The following MGAT5 variants were observed in gnomAD, a reference collection of about 807,000 sequenced individuals.
MGAT5 encodes the protein alpha-1,6-mannosylglycoprotein 6-beta-N-acetylglucosaminyltransferase A.
In MGAT5, 30 loss-of-function variants were observed where a neutral mutation model predicts 94.3. The ratio of observed to expected loss-of-function variants is 0.32; its 90% confidence interval spans 0.24 to 0.43. MGAT5 has a LOEUF of 0.43. Among genes scored for constraint, MGAT5 ranks in the 20% least tolerant of loss-of-function variants. The probability of loss-of-function intolerance (pLI) is 1.00; values close to 1 mark genes in which losing one functional copy is unlikely to be tolerated. For synonymous variants in MGAT5, 310 were observed against 322.9 expected (o/e 0.96, Z 0.43); for missense variants, 691 against 905.5 (o/e 0.76, Z 3.04).
At chr2:134,409,574 G>A (rs1467345858) in intron 11 of MGAT5, among the ~76,000 whole-genome samples, 1 of 152,202 alleles carries the variant, frequency 6.6e-6, no homozygotes. Context: ...TTTCCCTCTA[G>A]AGTCACCATG....
rs540973365 is a variant in MGAT5 at position 134,430,980 on chromosome 2, G to C, written c.1869+2541G>C. 4.6e-4 allele frequency among the ~76,000 whole-genome samples: 70 copies of C among 152,310 alleles called. 1 individual carries two copies. Among genetic ancestry groups the C allele is most frequent in the African/African-American group, 1.6e-3 (68 of 41,562 alleles). On this transcript the variant is annotated intron_variant, in intron 14 of 15. Coordinates refer to ENST00000281923, the MANE Select transcript of MGAT5 (RefSeq NM_002410.5). ...ATGGCCCAGCCCGCCGAGGGAGGACGGGGGAGAAATGGTAGAGTGTATCTG... is the reference window on the plus strand; with the variant it reads ...ATGGCCCAGCCCGCCGAGGGAGGACCGGGGAGAAATGGTAGAGTGTATCTG...
intron 2 of MGAT5, among the ~76,000 whole-genome samples, chr2:134,311,179 G>T (rs1454172844): frequency 6.6e-6 from 1 of 152,186 alleles, no homozygotes; most frequent in Non-Finnish European, 1.5e-5. Flanking sequence ...TCAGTTTCCT[G>T]TAACTTCCTG....
At chr2:134,149,966 C>A (rs1687098039) in intron 1 of MGAT5, among the ~76,000 whole-genome samples, 1 of 152,174 alleles carries the variant, frequency 6.6e-6, no homozygotes, top group Non-Finnish European at 1.5e-5. Context: ...GAGAGAAATA[C>A]CCAGACCTCT....
chr2:134,333,426 G>C (rs1204473092), intron 4 of MGAT5, among the ~76,000 whole-genome samples: 1 of 113,340 alleles, frequency 8.8e-6, no homozygotes, highest in Non-Finnish European at 1.7e-5. Context: ...ACACTCTGGG[G>C]ACTGTTGTGG....
At chr2:134,400,612 C>T (rs1036549746) in intron 10 of MGAT5, among the ~76,000 whole-genome samples, 16 of 152,154 alleles carry the variant, frequency 1.1e-4, no homozygotes, top group Admixed American at 9.8e-4. Flanking sequence ...GTCTGGGAAC[C>T]CTAATCTTGA....
At chr2:134,384,304 A>T (rs984127330) in intron 10 of MGAT5, among the ~76,000 whole-genome samples, 10 of 151,588 alleles carry the variant, frequency 6.6e-5, no homozygotes, top group African/African-American at 2.4e-4. Flanking sequence ...CGGGCATACA[A>T]TGCTCTTGCC....
chr2:134,146,405 C>G (rs924108262), intron 1 of MGAT5, among the ~76,000 whole-genome samples: 1 of 151,244 alleles, frequency 6.6e-6, no homozygotes, highest in East Asian at 1.9e-4. Flanking sequence ...AAAAAAAATA[C>G]AAAAATTAGC....
chr2:134,414,194 AT>A (rs1683835725), intron 12 of MGAT5, among the ~76,000 whole-genome samples: 1 of 151,470 alleles, frequency 6.6e-6, no homozygotes, highest in Non-Finnish European at 1.5e-5. Flanking sequence ...AGAATAATAA[AT>A]TTGAATTCTT....
intron 2 of MGAT5, among the ~76,000 whole-genome samples, chr2:134,291,180 A>G (rs7589816): frequency 0.03 from 4,527 of 152,222 alleles, 242 homozygotes; most frequent in African/African-American, 0.1. Flanking sequence ...CTCTCCAAAT[A>G]CATATGTTGA....
At chr2:134,356,578 C>T (rs1679756538) in intron 9 of MGAT5, among the ~76,000 whole-genome samples, 1 of 152,120 alleles carries the variant, frequency 6.6e-6, no homozygotes, top group Admixed American at 6.5e-5. Context: ...CTTTCTCATA[C>T]TTCCACTTTA....
At chr2:134,379,884 A>G (rs1681429359) in intron 10 of MGAT5, among the ~76,000 whole-genome samples, 1 of 152,184 alleles carries the variant, frequency 6.6e-6, no homozygotes. Context: ...CTTGTGGCGA[A>G]AGGATTAGGC....
chr2:134,235,501 C>T (rs565848683), intron 1 of MGAT5, among the ~76,000 whole-genome samples: 11 of 152,074 alleles, frequency 7.2e-5, no homozygotes, highest in African/African-American at 2.7e-4. Flanking sequence ...AGAGAAGAGC[C>T]ACAGAGCAGA....
At chr2:134,412,830 C>G in intron 11 of MGAT5, 39 bp from the exon 12 acceptor site, 1 of 1,610,870 alleles carries the variant, frequency 6.2e-7, no homozygotes, top group Non-Finnish European at 8.5e-7. Context: ...ATGGTCCTGC[C>G]TGATGTGTTC....
chr2:134,129,003 A>G (rs1043982004), intron 1 of MGAT5, among the ~76,000 whole-genome samples: 1 of 152,214 alleles, frequency 6.6e-6, no homozygotes, highest in African/African-American at 2.4e-5. Flanking sequence ...TCTCTAATAG[A>G]AATACTACAA....
At chr2:134,126,739 C>T (rs1282648964) in intron 1 of MGAT5, among the ~76,000 whole-genome samples, 3 of 152,210 alleles carry the variant, frequency 2.0e-5, no homozygotes, top group African/African-American at 7.2e-5. Flanking sequence ...GGCTCATAGC[C>T]TTCTGTGGTT....
At chr2:134,212,682 A>G (rs1344466997) in intron 1 of MGAT5, among the ~76,000 whole-genome samples, 1 of 152,364 alleles carries the variant, frequency 6.6e-6, no homozygotes, top group Non-Finnish European at 1.5e-5. Flanking sequence ...AATTTGGGAC[A>G]GCTCCAACTT....
At chr2:134,413,270 C>G (rs1683774610) in intron 12 of MGAT5, among the ~76,000 whole-genome samples, 1 of 152,070 alleles carries the variant, frequency 6.6e-6, no homozygotes. Context: ...GACAATCTAG[C>G]CTCTGATTAT....
At chr2:134,191,189 C>T (rs1254790241) in intron 1 of MGAT5, among the ~76,000 whole-genome samples, 2 of 152,240 alleles carry the variant, frequency 1.3e-5, no homozygotes, top group African/African-American at 4.8e-5. Context: ...TTGGTCGTAC[C>T]TAATTGGCAT....
intron 4 of MGAT5, among the ~76,000 whole-genome samples, chr2:134,330,585 T>TGTGTATGTA (rs1687912586): frequency 1.5e-5 from 1 of 67,888 alleles, no homozygotes; most frequent in Non-Finnish European, 2.5e-5. Flanking sequence ...GTGTGTGTGT[T>TGTGTATGTA]ACGAAGCCCA....
Sources: gnomAD v4.1 joint callset for allele counts (sites outside exome capture counted in the v4.1 genomes callset) on GRCh38, gnomAD v4.1.1 for gene constraint, MANE v1.5 for transcripts, NCBI Gene and HGNC (gene_info 2026-07-23, HGNC 2026-07-21) for gene names.